The following GPHN variants were observed in gnomAD, a reference collection of about 807,000 sequenced individuals.
GPHN encodes the protein gephyrin.
In GPHN, 17 loss-of-function variants were observed where a neutral mutation model predicts 95.5. The observed-to-expected ratio is 0.18, with a 90% CI of 0.12 to 0.27. The LOEUF is 0.27. GPHN is among the 10% of genes least tolerant of loss of function. GPHN has a pLI of 1.00. For synonymous variants in GPHN, 320 were observed against 322.5 expected, an observed-to-expected ratio of 0.99 and a Z score of 0.08; for missense variants, 660 against 978.1, an observed-to-expected ratio of 0.67 and a Z score of 4.34.
chr14:66,618,327 G>A (rs2063137930), intron 1 of GPHN, among the ~76,000 whole-genome samples: 1 of 152,106 alleles, frequency 6.6e-6, no homozygotes, highest in Non-Finnish European at 1.5e-5. Context: ...ATCCACCTGT[G>A]TCTACCTCCC....
rs1555452362 is a variant in GPHN, at chr14:66,961,945, T to TATATATAC, written c.829-3243_829-3242insTATACATA. On this transcript the variant is annotated intron_variant, in intron 8 of 22. Transcript: ENST00000478722. Reference sequence around the variant, plus strand: ...ATATATATATATATATATATATATATATACACATATCTCCCAGAAATTTAC... The same window carrying TATATATAC: ...ATATATATATATATATATATATATATATATATACATACACATATCTCCCAGAAATTTAC... 7.7e-4 allele frequency among the ~76,000 whole-genome samples: 61 copies of TATATATAC among 79,074 alleles called. 2 individuals carry two copies. Among genetic ancestry groups the TATATATAC allele is most frequent in the Admixed American group, 5.5e-3 (35 of 6,342 alleles). The allele number at this position is 79,074 out of a possible 152,430, so 51.9% of individuals were successfully genotyped here. A position where few individuals can be genotyped will look rare whatever the true frequency, so the allele number is the denominator to read the frequency against.
chr14:66,714,418 G>A (rs2069966571), intron 2 of GPHN, among the ~76,000 whole-genome samples: 1 of 152,078 alleles, frequency 6.6e-6, no homozygotes, highest in African/African-American at 2.4e-5. Flanking sequence ...GGGTTTTTGA[G>A]GTAAACGATC....
At chr14:66,584,998 G>T (rs1194177862) in intron 1 of GPHN, among the ~76,000 whole-genome samples, 1 of 152,122 alleles carries the variant, frequency 6.6e-6, no homozygotes, top group African/African-American at 2.4e-5. Flanking sequence ...GTGGAATTTG[G>T]CTGTGAATCC....
At chr14:66,618,942 A>G (rs899661253) in intron 1 of GPHN, among the ~76,000 whole-genome samples, 3 of 152,156 alleles carry the variant, frequency 2.0e-5, no homozygotes, top group Non-Finnish European at 4.4e-5. Context: ...ATCTCCATCT[A>G]TCACCAAACT....
chr14:66,661,472 A>C (rs2065643497), intron 1 of GPHN, among the ~76,000 whole-genome samples: 1 of 151,992 alleles, frequency 6.6e-6, no homozygotes, highest in Non-Finnish European at 1.5e-5. Flanking sequence ...CTCCCAACTG[A>C]CAGAGTTTTG....
At chr14:67,389,976 G>A in the GPHN span, among the ~76,000 whole-genome samples, 2 of 151,910 alleles carry the variant, frequency 1.3e-5, no homozygotes, top group African/African-American at 4.8e-5. Context: ...TCCAGGCAGG[G>A]GTTCCTGACT....
At chr14:66,715,125 T>C (rs1450082980) in intron 2 of GPHN, among the ~76,000 whole-genome samples, 1 of 152,168 alleles carries the variant, frequency 6.6e-6, no homozygotes, top group East Asian at 1.9e-4. Context: ...TTTCTGTTGT[T>C]AATTTTTAAA....
At chr14:66,714,268 G>T (rs1481076154) in intron 2 of GPHN, among the ~76,000 whole-genome samples, 1 of 152,142 alleles carries the variant, frequency 6.6e-6, no homozygotes, top group East Asian at 1.9e-4. Context: ...ATTTTAAAAG[G>T]AGTTGAGTTT....
intron 4 of GPHN, among the ~76,000 whole-genome samples, chr14:66,835,711 C>G (rs1413375677): frequency 6.6e-6 from 1 of 151,994 alleles, no homozygotes; most frequent in African/African-American, 2.4e-5. Flanking sequence ...TGTCTCAGCC[C>G]AAAATCTCCT....
chr14:66,618,098 TTTTTC>T (rs2063125066), intron 1 of GPHN, among the ~76,000 whole-genome samples: 1 of 152,184 alleles, frequency 6.6e-6, no homozygotes, highest in South Asian at 2.1e-4. Flanking sequence ...ATCTTACATT[TTTTTC>T]TTGTGTTATT....
At chr14:67,538,058 A>C in the GPHN span, among the ~76,000 whole-genome samples, 1 of 152,190 alleles carries the variant, frequency 6.6e-6, no homozygotes, top group African/African-American at 2.4e-5. Flanking sequence ...GGACAGAGGG[A>C]CTTATTGTAC....
chr14:66,669,883 T>C (rs1211033459), intron 1 of GPHN, among the ~76,000 whole-genome samples: 4 of 152,250 alleles, frequency 2.6e-5, no homozygotes, highest in Admixed American at 6.5e-5. Flanking sequence ...ATAATTTTTA[T>C]CATGACAAGA....
chr14:67,565,408 TA>T, the GPHN span, among the ~76,000 whole-genome samples: 1 of 152,268 alleles, frequency 6.6e-6, no homozygotes, highest in East Asian at 1.9e-4. Flanking sequence ...CACACCTGGC[TA>T]ATTTTTTAAA....
intron 5 of GPHN, among the ~76,000 whole-genome samples, chr14:66,882,163 T>C (rs1041345358): frequency 2.0e-5 from 3 of 151,860 alleles, no homozygotes; most frequent in Admixed American, 6.6e-5. Context: ...TTTGCTTGTC[T>C]GTATTACCTA....
At chr14:67,412,755 G>GT in the GPHN span, among the ~76,000 whole-genome samples, 1 of 151,914 alleles carries the variant, frequency 6.6e-6, no homozygotes, top group African/African-American at 2.4e-5. Flanking sequence ...GAGATGATTG[G>GT]TTTTTTGGGG....
At chr14:67,179,390 G>A (rs1190063813) in intron 21 of GPHN, among the ~76,000 whole-genome samples, 188 bp from the exon 22 acceptor site, 1 of 151,790 alleles carries the variant, frequency 6.6e-6, no homozygotes, top group East Asian at 1.9e-4. Flanking sequence ...TGTGTCAAAA[G>A]AAAAAATACA....
At chr14:66,845,964 C>A (rs1373906333) in intron 4 of GPHN, among the ~76,000 whole-genome samples, 1 of 151,892 alleles carries the variant, frequency 6.6e-6, no homozygotes, top group Non-Finnish European at 1.5e-5. Context: ...GTGGCCTAGA[C>A]CTTATAAGAA....
At position 67,089,036 on chromosome 14, in the gene GPHN, C is replaced by G. The variant is rs1567314091; in HGVS notation, c.1198C>G (p.Pro400Ala). Residue 400 changes from proline to alanine, a missense_variant, in exon 12 of 23, where the codon CCC (proline) becomes GCC (alanine). Physicochemically the swap from Pro to Ala is conservative, Grantham distance 27 (BLOSUM62 -1). Transcript: ENST00000478722. ...TGTATATGCAAAAGACAATTTACCC[C>G]CCTTCCCAGCATCAGTAAAAGATGG... is the stretch of plus-strand genomic sequence containing the variant. ...QDVYAKDNLP[P>A]FPASVKDGYA... The G allele has an allele frequency of 1.2e-6, 2 of 1,604,654 alleles. No homozygotes were observed. The highest frequency in any genetic ancestry group is 1.1e-5 in the South Asian group (1 of 90,930).
chr14:67,575,428 C>G, the GPHN span: 8 of 1,610,384 alleles, frequency 5.0e-6, no homozygotes, highest in Non-Finnish European at 6.8e-6. Flanking sequence ...CTGGTGCGCT[C>G]TTGTTGGGAA....
Sources: allele counts gnomAD v4.1 joint callset (sites outside exome capture counted in the v4.1 genomes callset), GRCh38; gene constraint gnomAD v4.1.1; transcripts MANE v1.5; gene names NCBI Gene and HGNC (gene_info 2026-07-23, HGNC 2026-07-21).